The following ATAD5 variants were observed in gnomAD, a reference collection of about 807,000 sequenced individuals.
The protein encoded by ATAD5 is ATPase family AAA domain containing 5.
ATAD5 carries 58 observed loss-of-function variants against 176.9 expected under a neutral mutation model. The observed-to-expected ratio is 0.33, with a 90% confidence interval of 0.27 to 0.41. The LOEUF (loss-of-function observed/expected upper bound fraction) is 0.41, where lower values mean the gene tolerates loss of function less well. Ranked by LOEUF, ATAD5 falls within the 10% of genes least tolerant of loss-of-function variation. ATAD5 has a pLI of 1.00. For missense variants in ATAD5, 1,789 were observed against 2,094.1 expected (o/e 0.85, Z 2.84); for synonymous variants, 640 against 712.6 (o/e 0.90, Z 1.62).
At chr17:30,850,889 T>TG in intron 6 of ATAD5, among the ~76,000 whole-genome samples, 1 of 69,776 alleles carries the variant, frequency 1.4e-5, no homozygotes, top group Non-Finnish European at 2.9e-5. Flanking sequence ...TTTTTTTTTT[T>TG]TTTTTTTTTT....
At chr17:30,841,164 C>G (rs2142317272) in intron 4 of ATAD5, among the ~76,000 whole-genome samples, 1 of 152,212 alleles carries the variant, frequency 6.6e-6, no homozygotes, top group African/African-American at 2.4e-5. Flanking sequence ...TGTGTACCAC[C>G]ATGCCCGGCC....
chr17:30,868,550 C>T (rs1908138445), intron 12 of ATAD5, 138 bp downstream of exon 12: 1 of 523,278 alleles, frequency 1.9e-6, no homozygotes, highest in Non-Finnish European at 2.9e-6. Context: ...CTCTGTTTCC[C>T]ATAGTGGAGT....
intron 6 of ATAD5, among the ~76,000 whole-genome samples, chr17:30,846,863 G>C (rs1018298029): frequency 6.6e-6 from 1 of 151,536 alleles, no homozygotes. Context: ...TGGGATTACA[G>C]GCATGTGCCA....
chr17:30,843,375 A>G (rs1906251172), intron 4 of ATAD5, among the ~76,000 whole-genome samples: 1 of 150,776 alleles, frequency 6.6e-6, no homozygotes, highest in South Asian at 2.1e-4. Context: ...ACATGAGGCC[A>G]GGTGCGGTGG....
rs759754910 is a variant in ATAD5 at position 30,844,848 on chromosome 17, C to T, written c.2382C>T (p.Val794=). 3.1e-6 allele frequency: 5 copies of T among 1,594,818 alleles called. No individual in the cohort carries two copies. The highest frequency in any genetic ancestry group is 2.7e-5 in the African/African-American group (2 of 73,066). The change falls in exon 6 of 23, where the codon GTC becomes GTT. Residue 794 remains valine, a synonymous_variant. Transcript: ENST00000321990. ...TATTTTTCTAAGGAAAAATGAAAGTCGCTCCTTTATTTCTTGTCAGAAAAG... is the reference window on the plus strand; with the variant it reads ...TATTTTTCTAAGGAAAAATGAAAGTTGCTCCTTTATTTCTTGTCAGAAAAG... ...STKNVPGKMK[V]APLFLVRKAQ...
chr17:30,837,857 G>T (rs1905851101), intron 3 of ATAD5, among the ~76,000 whole-genome samples: 2 of 152,126 alleles, frequency 1.3e-5, no homozygotes, highest in Admixed American at 1.3e-4. Flanking sequence ...TCCAACATAT[G>T]AATTTTCAGG....
chr17:30,851,077 T>C (rs58421852), intron 6 of ATAD5, among the ~76,000 whole-genome samples: 18,835 of 142,960 alleles, frequency 0.13, 1,391 homozygotes, highest in South Asian at 0.24. Flanking sequence ...TTAGTAGAGA[T>C]GGGGTTTCAC....
chr17:30,833,806 G>T (rs1038866372), intron 1 of ATAD5, among the ~76,000 whole-genome samples: 3 of 152,100 alleles, frequency 2.0e-5, no homozygotes, highest in Non-Finnish European at 2.9e-5. Context: ...TCAGCCTCCG[G>T]AGTAGCTGGG....
chr17:30,876,230 C>T, intron 14 of ATAD5, 144 bp from the exon 15 acceptor site: 1 of 557,808 alleles, frequency 1.8e-6, no homozygotes, highest in Non-Finnish European at 3.0e-6. Context: ...TTTGGATGTA[C>T]ATAGTATTTT....
chr17:30,894,439 C>A, intron 21 of ATAD5, 125 bp from the exon 22 acceptor site: 1 of 957,110 alleles, frequency 1.0e-6, no homozygotes, highest in Non-Finnish European at 1.5e-6. Context: ...GATGTGTTGA[C>A]AGGAAATTAA....
chr17:30,867,398 A>T (rs1320623881), intron 11 of ATAD5, among the ~76,000 whole-genome samples: 1 of 152,144 alleles, frequency 6.6e-6, no homozygotes. Flanking sequence ...TCTCAAAAAA[A>T]GAAAAATACT....
At position 30,868,327 on chromosome 17, in the gene ATAD5, T is replaced by G. The variant is rs778824105; in HGVS notation, c.3234-6T>G. ...GAATTATTTTTATTATGTTTTCTTG[T>G]GGCAGTTGGTTGAAAGACTGGAAAA... On this transcript the variant is annotated splice_polypyrimidine_tract_variant and splice_region_variant and intron_variant, in intron 11 of 22. Coordinates refer to ENST00000321990, the MANE Select transcript of ATAD5 (RefSeq NM_024857.5). 1.9e-6 allele frequency: 3 copies of G among 1,564,090 alleles called. No homozygotes were observed. The highest frequency in any genetic ancestry group is 1.7e-6 in the Non-Finnish European group (2 of 1,160,180).
At chr17:30,887,799 G>A in intron 19 of ATAD5, among the ~76,000 whole-genome samples, 1 of 151,976 alleles carries the variant, frequency 6.6e-6, no homozygotes, top group Non-Finnish European at 1.5e-5. Context: ...CCAGACAATA[G>A]AGCAATACCC....
Position 30,832,285 on chromosome 17 carries a change from TC to T in ATAD5, c.-61del. The T allele has an allele frequency of 7.2e-7, 1 of 1,388,128 alleles. No homozygotes were observed. The highest frequency in any genetic ancestry group is 9.5e-7 in the Non-Finnish European group (1 of 1,057,990). The allele number at this position is 1,388,128 out of a possible 1,614,324, so 86.0% of individuals were successfully genotyped here. On this transcript the variant is annotated 5_prime_UTR_variant, in exon 1 of 23. The change creates a premature stop within an existing upstream ORF in the 5' untranslated region. Transcript: ENST00000321990. ...ACTGGAGCGGGCCGCCTCCATGGCC[TC>T]CAGGCAGGCCGGGCTGGACCGCGTG...
chr17:30,857,006 T>G lies in ATAD5; in HGVS notation c.2687T>G (p.Phe896Cys). The G allele has an allele frequency of 1.9e-6, 3 of 1,606,994 alleles. 1 individual carries two copies. The highest frequency in any genetic ancestry group is 3.3e-4 in the Middle Eastern group (2 of 6,006). ...KPPSCPLLTK[F>C]KELNTKVIDL... is the part of the protein sequence containing the mutation. ...CCCTCTTGTCCTCTCTTAACTAAAT[T>G]TAAAGAACTGAACACTAAAGTAATA... Residue 896 changes from phenylalanine to cysteine, a missense_variant, in exon 8 of 23, where the codon TTT becomes TGT. By Grantham distance (205) the Phe-to-Cys change is radical (BLOSUM62 -2). This residue lies in a region of ATAD5 where 487 missense variants were observed against 573.6 expected (regional missense o/e 0.85). Coordinates refer to ENST00000321990, the MANE Select transcript of ATAD5 (RefSeq NM_024857.5).
At chr17:30,868,234 T>G in intron 11 of ATAD5, 99 bp from the exon 12 acceptor site, 7 of 1,000,110 alleles carry the variant, frequency 7.0e-6, no homozygotes, top group Non-Finnish European at 9.6e-6. Flanking sequence ...GCAGAGAAAC[T>G]AACAATATGC....
At chr17:30,879,326 T>G (rs1597990570) in intron 17 of ATAD5, 97 bp from the exon 18 acceptor site, 47 of 1,357,722 alleles carry the variant, frequency 3.5e-5, no homozygotes, top group East Asian at 7.3e-5. Context: ...GGGAGGCGGG[T>G]GCTGAATATT....
chr17:30,856,555 T>C (rs1907302088), intron 7 of ATAD5, among the ~76,000 whole-genome samples: 1 of 152,162 alleles, frequency 6.6e-6, no homozygotes, highest in African/African-American at 2.4e-5. Context: ...TTCAAGCAAT[T>C]CTCTTGCCTC....
Position 30,847,168 on chromosome 17 carries a change from G to T in ATAD5, c.2450+2252G>T, listed in dbSNP as rs1906558433. ...CCATGCAATCTCTTATCTGCTTTCT[G>T]TTGGTATAGACTAGTTTGCCTTTTC... On this transcript the variant is annotated intron_variant, in intron 6 of 22. Coordinates refer to ENST00000321990, the MANE Select transcript of ATAD5 (RefSeq NM_024857.5). Among the ~76,000 whole-genome samples the T allele has an allele frequency of 3.3e-5, 5 of 152,218 alleles. No individual in the cohort carries two copies. In the South Asian group the frequency reaches 1.0e-3, roughly 32 times the overall value.
Sources: allele counts gnomAD v4.1 joint callset (sites outside exome capture counted in the v4.1 genomes callset), GRCh38; gene constraint gnomAD v4.1.1; regional missense constraint gnomAD v4.1.1; transcripts MANE v1.5; gene names NCBI Gene and HGNC (gene_info 2026-07-23, HGNC 2026-07-21).